The following DNAH1 variants were observed in gnomAD, a reference collection of about 807,000 sequenced individuals.
The protein encoded by DNAH1 is axonemal beta dynein heavy chain 1.
DNAH1 carries 327 observed loss-of-function variants against 484.3 expected under a neutral mutation model. That is an observed-to-expected ratio of 0.68 (90% CI 0.62 to 0.74). The LOEUF (loss-of-function observed/expected upper bound fraction) is 0.74, where lower values mean the gene tolerates loss of function less well. Among genes scored for constraint, DNAH1 ranks in the 30% least tolerant of loss-of-function variants. The pLI is 0.00. For missense variants in DNAH1, 5,052 were observed against 5,546.8 expected (o/e 0.91, Z 2.83); for synonymous variants, 2,192 against 2,191.9 (o/e 1.00, Z 0.00).
intron 37 of DNAH1, among the ~76,000 whole-genome samples, chr3:52,369,578 T>A (rs1703230074): frequency 6.6e-6 from 1 of 152,168 alleles, no homozygotes; most frequent in African/African-American, 2.4e-5. Context: ...CAAAATGCTC[T>A]GACCCCAGTC....
Position 52,393,014 on chromosome 3 carries a change from CAG to C in DNAH1, c.10470_10471del (p.Arg3490SerfsTer29). ...ATCTTCCTCTCGGGCATCGCCAACT[CAG>C]AGAGAGCAGGTAGCACCGGCATGCC... On this transcript the variant is annotated frameshift_variant, in exon 65 of 78. Coordinates refer to ENST00000420323, the MANE Select transcript of DNAH1 (RefSeq NM_015512.5). LOFTEE classifies it high-confidence loss of function. 1 of 1,613,394 alleles carries C rather than the reference CAG, an allele frequency of 6.2e-7. No homozygotes were observed.
intron 65 of DNAH1, 40 bp downstream of exon 65, chr3:52,393,065 G>T: frequency 1.3e-6 from 2 of 1,591,992 alleles, no homozygotes; most frequent in South Asian, 2.2e-5. Context: ...GCACAGATAT[G>T]ACCCATGTGG....
intron 32 of DNAH1, among the ~76,000 whole-genome samples, chr3:52,363,986 C>T (rs1702969466): frequency 6.6e-6 from 1 of 152,168 alleles, no homozygotes; most frequent in Non-Finnish European, 1.5e-5. Flanking sequence ...GCAACTATCC[C>T]ACATGGTTTT....
chr3:52,360,444 T>A lies in DNAH1; in HGVS notation c.4685+20T>A. On this transcript the variant is annotated intron_variant, in intron 28 of 77. Transcript: ENST00000420323. ...CGACAGGTAAGCGTTCCCCTCTTGC[T>A]CCTTCCCACACTGAGACCCTCCCTC... The A allele has an allele frequency of 6.3e-7, 1 of 1,594,754 alleles. No homozygotes were observed. Among genetic ancestry groups the A allele is most frequent in the Non-Finnish European group, 8.6e-7 (1 of 1,163,656 alleles).
intron 22 of DNAH1, among the ~76,000 whole-genome samples, chr3:52,357,123 C>T (rs1338053946): frequency 6.6e-6 from 1 of 151,756 alleles, no homozygotes. Flanking sequence ...CAACCTTCAC[C>T]TCCCTGGTTC....
In DNAH1 at chr3:52,359,311, C is replaced by A; in HGVS notation, c.4332C>A (p.Tyr1444Ter). 1 of 1,569,772 alleles carries A rather than the reference C, an allele frequency of 6.4e-7. No homozygotes were observed. The highest frequency in any genetic ancestry group is 8.6e-7 in the Non-Finnish European group (1 of 1,156,654). ...GQVTIAGCQT[Y>*]WTMEVAEALE... ...TGACCATCGCTGGGTGCCAGACCTA[C>A]TGGACCATGGAGGTGGCAGAGGCTC... Residue 1444 changes from tyrosine to a stop codon, truncating the protein, a stop_gained, in exon 26 of 78, where the codon TAC (tyrosine) becomes TAA (stop). Transcript: ENST00000420323. LOFTEE classifies it high-confidence loss of function.
Position 52,379,893 on chromosome 3 carries a change from G to T in DNAH1, c.7378-12G>T. On this transcript the variant is annotated splice_polypyrimidine_tract_variant and intron_variant, in intron 47 of 77. Coordinates refer to ENST00000420323, the MANE Select transcript of DNAH1 (RefSeq NM_015512.5). This position sits in a 1 kb window ranked among gnomAD's most constrained non-coding sequence, Gnocchi z 4.4. ...GGGCCAAGGACAGGCACCGATGCTGGGGCTACTGCAGGACCAAGTGCAGCT... is the reference window on the plus strand; with the variant it reads ...GGGCCAAGGACAGGCACCGATGCTGTGGCTACTGCAGGACCAAGTGCAGCT... 1.3e-6 allele frequency: 2 copies of T among 1,551,396 alleles called. 1 individual carries two copies. Among genetic ancestry groups the T allele is most frequent in the South Asian group, 2.4e-5 (2 of 84,050 alleles).
Position 52,326,125 on chromosome 3 carries a change from T to A in DNAH1, c.407-15T>A. 3 of 1,568,962 alleles carry A rather than the reference T, an allele frequency of 1.9e-6. No homozygotes were observed. The highest frequency in any genetic ancestry group is 2.6e-6 in the Non-Finnish European group (3 of 1,153,824). ...GCCTGAGCCCTGAAGCCCCTGCCCC[T>A]GCTTCTACCTGCAGTCGGAAGCTTT... On this transcript the variant is annotated splice_polypyrimidine_tract_variant and intron_variant, in intron 3 of 77. Transcript: ENST00000420323.
At chr3:52,373,894 A>T in intron 44 of DNAH1, 1 of 1,385,576 alleles carries the variant, frequency 7.2e-7, no homozygotes, top group Non-Finnish European at 1.0e-6. Flanking sequence ...CCTTCCTCCA[A>T]TCCTACGGGA....
At chr3:52,326,067 T>G (rs1238974596) in intron 3 of DNAH1, 73 bp from the exon 4 acceptor site, 1 of 1,363,902 alleles carries the variant, frequency 7.3e-7, no homozygotes, top group East Asian at 2.8e-5. Context: ...TGGTAATTTA[T>G]TTTATGGGGT....
rs1382384885 is a variant in DNAH1 at position 52,381,820 on chromosome 3, A to T, written c.7789A>T (p.Arg2597Trp). 5.0e-6 allele frequency: 8 copies of T among 1,597,442 alleles called. No homozygotes were observed. Among genetic ancestry groups the T allele is most frequent in the Non-Finnish European group, 6.0e-6 (7 of 1,172,624 alleles). Residue 2597 changes from arginine (R) to tryptophan (W), a missense_variant, in exon 49 of 78, where the codon AGG (arginine) becomes TGG (tryptophan). Physicochemically the swap from Arg to Trp is moderately radical, Grantham distance 101. Transcript: ENST00000420323. The surrounding 1 kb of genome is among the most constrained non-coding windows in gnomAD (Gnocchi z 4.1). Reference sequence around the variant, plus strand: ...TGGCAGCGGCCGCAGCTCCCTCACAAGGCTCGCCTCGCACATGTGAGCGCC... The same window carrying T: ...TGGCAGCGGCCGCAGCTCCCTCACATGGCTCGCCTCGCACATGTGAGCGCC... ...VGGSGRSSLTRLASHMAEYEC... is the reference protein window; with the variant it reads ...VGGSGRSSLTWLASHMAEYEC...
intron 16 of DNAH1, among the ~76,000 whole-genome samples, chr3:52,350,929 A>G (rs1578121849): frequency 6.6e-6 from 1 of 151,976 alleles, no homozygotes; most frequent in African/African-American, 2.4e-5. Flanking sequence ...GCTTACTGCA[A>G]CCTCCGCCTC....
chr3:52,366,842 C>T lies in DNAH1; in HGVS notation c.5720C>T (p.Thr1907Met), dbSNP rs1372205755. 4.3e-6 allele frequency: 7 copies of T among 1,613,792 alleles called. No individual in the cohort carries two copies. Among genetic ancestry groups the T allele is most frequent in the African/African-American group, 4.0e-5 (3 of 74,924 alleles). Reference sequence around the variant, plus strand: ...TACGTGCTCAACCCCAAGTCCATCACGATGGGCCAGCTGTACGGGGAGTTT... The same window carrying T: ...TACGTGCTCAACCCCAAGTCCATCATGATGGGCCAGCTGTACGGGGAGTTT... ...NYYVLNPKSI[T>M]MGQLYGEFDL... The change falls in exon 36 of 78, where the codon ACG becomes ATG. Residue 1907 changes from threonine (T) to methionine (M), a missense_variant. This residue lies in a region of DNAH1 where 2,929 missense variants were observed against 3,409.4 expected (regional missense o/e 0.86). Coordinates refer to ENST00000420323, the MANE Select transcript of DNAH1 (RefSeq NM_015512.5).
Position 52,357,883 on chromosome 3 carries a change from CT to C in DNAH1, c.3981-14del, listed in dbSNP as rs775744634. ...GCCTGCACGACCCGCTTCCTCACCC[CT>C]GTTCCCCTGGCAGATTCTACTTCCT... On this transcript the variant is annotated splice_polypyrimidine_tract_variant and intron_variant, in intron 23 of 77. Coordinates refer to ENST00000420323, the MANE Select transcript of DNAH1 (RefSeq NM_015512.5). The C allele has an allele frequency of 6.8e-6, 11 of 1,610,822 alleles. No homozygotes were observed. Among genetic ancestry groups the C allele is most frequent in the Non-Finnish European group, 9.3e-6 (11 of 1,178,386 alleles).
At chr3:52,385,092 T>C in intron 53 of DNAH1, 115 bp downstream of exon 53, 3 of 1,289,860 alleles carry the variant, frequency 2.3e-6, no homozygotes, top group Non-Finnish European at 3.2e-6. Context: ...GCCCACGACG[T>C]TGAAGTGGGT....
At chr3:52,382,555 A>G (rs2153225187) in intron 50 of DNAH1, 100 bp downstream of exon 50, 1 of 1,535,916 alleles carries the variant, frequency 6.5e-7, no homozygotes, top group Non-Finnish European at 8.8e-7. Context: ...TGCCCAGCTC[A>G]CAGTCAGGGC....
rs1157020793 is a variant in DNAH1 at position 52,388,946 on chromosome 3, T to TC, written c.9495+13dup. 6.3e-6 allele frequency: 10 copies of TC among 1,584,122 alleles called. No individual in the cohort carries two copies. Among genetic ancestry groups the TC allele is most frequent in the Non-Finnish European group, 8.6e-6 (10 of 1,162,006 alleles). ...ACCTGGGCCCCTTCACGGTAAGAAG[T>TC]CCCCACCTCTGTCTCTGACCAGCCT... is the stretch of plus-strand genomic sequence containing the variant. On this transcript the variant is annotated intron_variant, in intron 59 of 77. Coordinates refer to ENST00000420323, the MANE Select transcript of DNAH1 (RefSeq NM_015512.5).
chr3:52,391,603 G>C lies in DNAH1; in HGVS notation c.10052G>C (p.Ser3351Thr). Residue 3351 changes from serine to threonine, a missense_variant and splice_region_variant, in exon 63 of 78, where the codon AGT (serine) becomes ACT (threonine). Physicochemically the swap from Ser to Thr is moderately conservative, Grantham distance 58 (BLOSUM62 1). Around this residue, in one of 4 missense-constraint regions of DNAH1, gnomAD observed 2,929 missense variants for 3,409.4 expected, o/e 0.86. Coordinates refer to ENST00000420323, the MANE Select transcript of DNAH1 (RefSeq NM_015512.5). ...LTLINFTLSPSGLEDQLLGQV... is the reference protein window; with the variant it reads ...LTLINFTLSPTGLEDQLLGQV... The stretch of plus-strand genomic sequence containing the variant: ...CTCATCAACTTCACCCTGTCGCCCA[G>C]GTGAGCCCCCACTCTTGGGGACGCC... 1 of 1,613,642 alleles carries C rather than the reference G, an allele frequency of 6.2e-7. No individual in the cohort carries two copies. The highest frequency in any genetic ancestry group is 8.5e-7 in the Non-Finnish European group (1 of 1,179,816).
Position 52,395,403 on chromosome 3 carries a change from C to T in DNAH1, c.11064C>T (p.Tyr3688=). 4 of 1,613,922 alleles carry T rather than the reference C, an allele frequency of 2.5e-6. No individual in the cohort carries two copies. Among genetic ancestry groups the T allele is most frequent in the Middle Eastern group, 1.6e-4 (1 of 6,062 alleles). Residue 3688 remains tyrosine, a synonymous_variant, in exon 69 of 78, where the codon TAC becomes TAT. Coordinates refer to ENST00000420323, the MANE Select transcript of DNAH1 (RefSeq NM_015512.5). This position sits in a 1 kb window ranked among gnomAD's most constrained non-coding sequence, Gnocchi z 4.4. ...SPGTDPAADL[Y]KFAEEMKFSK... ...GCACAGACCCTGCTGCCGACCTCTACAAGTTTGCCGAAGAAATGAAGTTCT... is the reference window on the plus strand; with the variant it reads ...GCACAGACCCTGCTGCCGACCTCTATAAGTTTGCCGAAGAAATGAAGTTCT...
Sources: gnomAD v4.1 joint callset for allele counts (sites outside exome capture counted in the v4.1 genomes callset) on GRCh38, gnomAD v4.1.1 for gene constraint, gnomAD v4.1.1 regional missense constraint, Gnocchi (gnomAD v3.1) non-coding constraint, MANE v1.5 for transcripts, NCBI Gene and HGNC (gene_info 2026-07-23, HGNC 2026-07-21) for gene names.